Variants in MEIS2 observed in about 807,000 individuals in gnomAD.
The protein encoded by MEIS2 is homeobox protein Meis2.
A neutral mutation model predicts 58.6 loss-of-function variants in MEIS2; 9 were observed. The observed-to-expected ratio is 0.15, with a 90% CI of 0.09 to 0.27. The LOEUF (loss-of-function observed/expected upper bound fraction) is 0.27, where lower values mean the gene tolerates loss of function less well. MEIS2 is among the 10% of genes least tolerant of loss of function. The pLI is 1.00. For synonymous variants in MEIS2, 221 were observed against 228.4 expected (o/e 0.97, Z 0.29); for missense variants, 427 against 635.0 (o/e 0.67, Z 3.52).
rs1894873445 is a variant in MEIS2 at position 37,099,732 on chromosome 15, C to T, written c.-266G>A. 4.8e-6 allele frequency: 2 copies of T among 416,414 alleles called. No individual in the cohort carries two copies. The highest frequency in any genetic ancestry group is 2.1e-5 in the African/African-American group (1 of 48,734). 25.8% of individuals were successfully genotyped at this position (416,414 alleles called of 1,614,324 possible). A position where few individuals can be genotyped will look rare whatever the true frequency, so the allele number is the denominator to read the frequency against. ...CTTCCTCCTCCTCCTCCACCTCCTC[C>T]TCCTCCCCCCTCCCCTCCTCCTCCT... On this transcript the variant is annotated 5_prime_UTR_variant, in exon 1 of 12. Coordinates refer to ENST00000561208, the MANE Select transcript of MEIS2 (RefSeq NM_170675.5).
chr15:36,946,617 T>C (rs1047586157), intron 9 of MEIS2, among the ~76,000 whole-genome samples: 8 of 152,046 alleles, frequency 5.3e-5, no homozygotes, highest in Non-Finnish European at 7.4e-5. Context: ...ATCATGTTTC[T>C]CTTTCATTTT....
At chr15:36,994,038 A>G (rs1039872902) in intron 8 of MEIS2, among the ~76,000 whole-genome samples, 1 of 152,134 alleles carries the variant, frequency 6.6e-6, no homozygotes, top group Non-Finnish European at 1.5e-5. Context: ...AGAAAAAAAA[A>G]GTATGCACAT....
intron 8 of MEIS2, among the ~76,000 whole-genome samples, chr15:36,989,267 C>A (rs28573906): frequency 0.26 from 39,548 of 152,026 alleles, 5,934 homozygotes; most frequent in Non-Finnish European, 0.34. Context: ...AACTAAAGCT[C>A]ATGGTTTTCC....
intron 7 of MEIS2, among the ~76,000 whole-genome samples, chr15:37,055,011 G>A (rs1259936931): frequency 1.3e-5 from 2 of 152,242 alleles, no homozygotes; most frequent in East Asian, 1.9e-4. Flanking sequence ...TCCTATGAGA[G>A]TTGACATTTT....
At chr15:37,086,862 T>C (rs929688612) in intron 6 of MEIS2, among the ~76,000 whole-genome samples, 5 of 152,198 alleles carry the variant, frequency 3.3e-5, no homozygotes, top group African/African-American at 1.2e-4. Context: ...TCCTCCTTGG[T>C]CATAAAAAAC....
chr15:37,009,113 C>A (rs2061030796), intron 8 of MEIS2, among the ~76,000 whole-genome samples: 1 of 152,028 alleles, frequency 6.6e-6, no homozygotes. Flanking sequence ...CACGGTGAAA[C>A]CCTGTCTCTA....
chr15:37,064,240 A>T (rs908399339), intron 7 of MEIS2, among the ~76,000 whole-genome samples: 3 of 152,172 alleles, frequency 2.0e-5, no homozygotes, highest in African/African-American at 7.2e-5. Flanking sequence ...AATTAAAGAC[A>T]TCTGTGTACA....
rs1296030557 is a variant in MEIS2 at position 37,016,152 on chromosome 15, C to A, written c.900+20662G>T. 4.6e-5 allele frequency among the ~76,000 whole-genome samples: 7 copies of A among 152,146 alleles called. No homozygotes were observed. The East Asian group carries it at 1.3e-3, about 29-fold the overall frequency. On this transcript the variant is annotated intron_variant, in intron 8 of 11. Transcript: ENST00000561208. ...GTTAGCCAAGTCAGCTAGCTCTTCCCCTCCCTGAAACAACAAAGAATGAAT... is the reference window on the plus strand; with the variant it reads ...GTTAGCCAAGTCAGCTAGCTCTTCCACTCCCTGAAACAACAAAGAATGAAT...
intron 7 of MEIS2, among the ~76,000 whole-genome samples, chr15:37,070,379 C>G (rs757785188): frequency 2.0e-5 from 3 of 152,156 alleles, no homozygotes; most frequent in African/African-American, 7.2e-5. Context: ...ATGAGAGAAG[C>G]AGAGTCCCGG....
chr15:36,944,572 A>T (rs1386382343), intron 9 of MEIS2, among the ~76,000 whole-genome samples: 1 of 152,100 alleles, frequency 6.6e-6, no homozygotes, highest in Non-Finnish European at 1.5e-5. Flanking sequence ...GTGATCTGAA[A>T]GAGAAGCATT....
chr15:37,072,823 C>G (rs185136385), intron 7 of MEIS2, among the ~76,000 whole-genome samples: 1 of 151,952 alleles, frequency 6.6e-6, no homozygotes, highest in Non-Finnish European at 1.5e-5. Context: ...TAATATCCCT[C>G]CCCCCTTCCC....
Position 36,990,694 on chromosome 15 carries a change from T to C in MEIS2, c.901-40294A>G, listed in dbSNP as rs373686214. 3.9e-5 allele frequency among the ~76,000 whole-genome samples: 6 copies of C among 152,222 alleles called. No homozygotes were observed. The East Asian group carries it at 5.8e-4, about 15-fold the overall frequency. Reference sequence around the variant, plus strand: ...TTCACATAACATACAATGGACCAATTTAAAGTGCACGATTTGATGTACTTA... The same window carrying C: ...TTCACATAACATACAATGGACCAATCTAAAGTGCACGATTTGATGTACTTA... On this transcript the variant is annotated intron_variant, in intron 8 of 11. Coordinates refer to ENST00000561208, the MANE Select transcript of MEIS2 (RefSeq NM_170675.5).
intron 11 of MEIS2, chr15:36,894,647 G>A (rs2056072832): frequency 3.9e-6 from 5 of 1,293,356 alleles, no homozygotes; most frequent in South Asian, 1.3e-5. Flanking sequence ...TAAAATGGGG[G>A]CAAATTATAA....
chr15:36,944,485 T>C (rs2058488563), intron 9 of MEIS2, among the ~76,000 whole-genome samples: 1 of 152,084 alleles, frequency 6.6e-6, no homozygotes, highest in African/African-American at 2.4e-5. Context: ...AGCAAAAGAC[T>C]TCATGGGGCT....
At chr15:36,895,064 G>A in intron 11 of MEIS2, 87 bp downstream of exon 11, 1 of 1,147,488 alleles carries the variant, frequency 8.7e-7, no homozygotes, top group Non-Finnish European at 1.3e-6. Context: ...AACCCACCAT[G>A]ACAGTGGGAT....
chr15:36,978,847 T>C (rs2141497767), intron 8 of MEIS2, among the ~76,000 whole-genome samples: 1 of 152,336 alleles, frequency 6.6e-6, no homozygotes, highest in Admixed American at 6.5e-5. Context: ...CACCATGATT[T>C]GTCAAATTTG....
chr15:36,999,216 C>T (rs944192250), intron 8 of MEIS2, among the ~76,000 whole-genome samples: 20 of 152,146 alleles, frequency 1.3e-4, no homozygotes, highest in Non-Finnish European at 2.5e-4. Flanking sequence ...ACATTGTTGG[C>T]TCATTTATTT....
rs956310745 is a variant in MEIS2, at chr15:36,995,846, T to C, written c.900+40968A>G. On this transcript the variant is annotated intron_variant, in intron 8 of 11. Coordinates refer to ENST00000561208, the MANE Select transcript of MEIS2 (RefSeq NM_170675.5). The stretch of plus-strand genomic sequence containing the variant: ...ACTATTGCGGTAAGTGAGCACACAA[T>C]AGGCATTTTTCTTGTTCGACTTGAA... Among the ~76,000 whole-genome samples the C allele has an allele frequency of 2.8e-5, 4 of 144,906 alleles. No individual in the cohort carries two copies. In the East Asian group the frequency reaches 6.2e-4, roughly 22 times the overall value.
At chr15:37,087,350 G>A (rs1002311065) in intron 6 of MEIS2, among the ~76,000 whole-genome samples, 3 of 152,110 alleles carry the variant, frequency 2.0e-5, no homozygotes, top group Admixed American at 2.0e-4. Context: ...ACTGAGTGGA[G>A]CACAATAGAA....
Sources: gnomAD v4.1 joint callset for allele counts (sites outside exome capture counted in the v4.1 genomes callset) on GRCh38, gnomAD v4.1.1 for gene constraint, MANE v1.5 for transcripts, NCBI Gene and HGNC (gene_info 2026-07-23, HGNC 2026-07-21) for gene names.